The following TBXAS1 variants were observed in gnomAD, a reference collection of about 807,000 sequenced individuals.
The protein encoded by TBXAS1 is thromboxane-A synthase.
Under a neutral mutation model 60.7 loss-of-function variants are expected in TBXAS1, and 48 were observed. The ratio of observed to expected loss-of-function variants is 0.79; its 90% CI spans 0.63 to 1.01. The LOEUF is 1.01. Among genes scored for constraint, TBXAS1 ranks in the 50% least tolerant of loss-of-function variants. The pLI is 0.00. For synonymous variants in TBXAS1, 287 were observed against 269.7 expected (o/e 1.06, Z -0.63); for missense variants, 685 against 686.3 (o/e 1.00, Z 0.02).
At chr7:139,801,576 C>A (rs1242342566) in intron 4 of TBXAS1, among the ~76,000 whole-genome samples, 1 of 151,154 alleles carries the variant, frequency 6.6e-6, no homozygotes, top group African/African-American at 2.4e-5. Flanking sequence ...CTCAAACAAT[C>A]CTTCTACCTC....
intron 9 of TBXAS1, among the ~76,000 whole-genome samples, chr7:139,991,677 G>A (rs556701555): frequency 2.6e-4 from 39 of 152,322 alleles, no homozygotes; most frequent in African/African-American, 6.3e-4. Flanking sequence ...ACAGAGAATC[G>A]TTTTACATGG....
intron 9 of TBXAS1, among the ~76,000 whole-genome samples, chr7:139,985,336 C>A (rs1483149860): frequency 2.0e-5 from 3 of 152,172 alleles, no homozygotes; most frequent in Non-Finnish European, 2.9e-5. Flanking sequence ...TGTCTGTGTC[C>A]CTCTAGAGGG....
chr7:139,833,903 A>G (rs994105383), intron 1 of TBXAS1, among the ~76,000 whole-genome samples: 5 of 152,212 alleles, frequency 3.3e-5, no homozygotes, highest in Non-Finnish European at 7.3e-5. Context: ...ACAGGTTAGC[A>G]AGACAGAAAG....
At chr7:139,857,291 T>A (rs979640522) in intron 1 of TBXAS1, among the ~76,000 whole-genome samples, 1 of 152,134 alleles carries the variant, frequency 6.6e-6, no homozygotes, top group Non-Finnish European at 1.5e-5. Context: ...AAATATATAA[T>A]CATATAATAT....
chr7:140,009,352 C>G (rs1469691983), intron 10 of TBXAS1, among the ~76,000 whole-genome samples: 1 of 152,192 alleles, frequency 6.6e-6, no homozygotes, highest in Non-Finnish European at 1.5e-5. Context: ...CTCCGTGCCT[C>G]TCCTTCCTAC....
At chr7:139,820,597 A>G (rs1462194956) in intron 4 of TBXAS1, among the ~76,000 whole-genome samples, 2 of 152,114 alleles carry the variant, frequency 1.3e-5, no homozygotes, top group African/African-American at 2.4e-5. Context: ...CCTAAATAGC[A>G]TCAAGTCACC....
At chr7:139,819,691 T>G (rs956662354) in intron 4 of TBXAS1, among the ~76,000 whole-genome samples, 1 of 151,918 alleles carries the variant, frequency 6.6e-6, no homozygotes, top group Non-Finnish European at 1.5e-5. Flanking sequence ...TTAGTAGAGA[T>G]GGGTTTTCAC....
chr7:139,862,443 C>T (rs146444692), intron 1 of TBXAS1, among the ~76,000 whole-genome samples: 325 of 152,218 alleles, frequency 2.1e-3, no homozygotes, highest in Non-Finnish European at 4.1e-3. Flanking sequence ...ATGATCTTGA[C>T]AAGGGCAGCC....
intron 4 of TBXAS1, among the ~76,000 whole-genome samples, chr7:139,930,163 T>C (rs1807202741): frequency 6.6e-6 from 1 of 152,188 alleles, no homozygotes; most frequent in South Asian, 2.1e-4. Flanking sequence ...TTCAAGGCTT[T>C]GCACTAATCT....
At chr7:139,914,350 T>G (rs946514570) in intron 4 of TBXAS1, among the ~76,000 whole-genome samples, 3 of 152,072 alleles carry the variant, frequency 2.0e-5, no homozygotes, top group Non-Finnish European at 2.9e-5. Context: ...TTTCTTAACT[T>G]AAAAAAGAGC....
intron 4 of TBXAS1, among the ~76,000 whole-genome samples, chr7:139,819,612 C>T (rs1045630691): frequency 2.0e-5 from 3 of 152,186 alleles, no homozygotes; most frequent in African/African-American, 7.2e-5. Context: ...AAGCGATTCT[C>T]CTGCCTCAGC....
intron 4 of TBXAS1, among the ~76,000 whole-genome samples, chr7:139,921,295 C>A (rs1351163522): frequency 2.0e-5 from 3 of 152,222 alleles, no homozygotes. Context: ...GTATAGATTT[C>A]TCTTTTCCTG....
chr7:139,857,382 T>G (rs1297596753), intron 1 of TBXAS1, among the ~76,000 whole-genome samples: 1 of 152,184 alleles, frequency 6.6e-6, no homozygotes, highest in African/African-American at 2.4e-5. Flanking sequence ...AAAGAGTTTT[T>G]GGGGGAAGGT....
chr7:139,997,478 G>A (rs1228702324), intron 9 of TBXAS1, among the ~76,000 whole-genome samples: 2 of 152,108 alleles, frequency 1.3e-5, no homozygotes, highest in Admixed American at 6.6e-5. Flanking sequence ...GCTTATGAGT[G>A]CTGAGTGCTT....
chr7:139,812,198 T>C (rs796275850), intron 4 of TBXAS1, among the ~76,000 whole-genome samples: 18 of 152,324 alleles, frequency 1.2e-4, no homozygotes, highest in African/African-American at 4.1e-4. Context: ...AGAAACTCTT[T>C]CCAGAGCAAA....
chr7:139,911,229 T>C lies in TBXAS1; in HGVS notation c.241T>C (p.Tyr81His). 6.2e-7 allele frequency: 1 copy of C among 1,614,158 alleles called. No individual in the cohort carries two copies. The highest frequency in any genetic ancestry group is 8.5e-7 in the Non-Finnish European group (1 of 1,179,980). The change falls in exon 4 of 13, where the codon TAT (tyrosine) becomes CAT (histidine). Residue 81 changes from tyrosine (Y) to histidine (H), a missense_variant. Transcript: ENST00000448866. ...TGCATTTTTTATTCCTCCCAGGTAC[T>C]ATCTTGGTCGTCGGATGTTTATTGT... ...RKLYGPLCGY[Y>H]LGRRMFIVIS...
At chr7:139,876,191 T>G (rs1304963317) in intron 3 of TBXAS1, among the ~76,000 whole-genome samples, 1 of 152,238 alleles carries the variant, frequency 6.6e-6, no homozygotes. Context: ...ATCCCGGATA[T>G]GCTGGGGCAT....
rs1399908570 is a variant in TBXAS1, at chr7:140,014,915, A to AAAAAAAAAAG, written c.1227-806_1227-805insAAAAAAAGAA. On this transcript the variant is annotated intron_variant, in intron 10 of 12. Coordinates refer to ENST00000448866, the MANE Select transcript of TBXAS1 (RefSeq NM_001061.7). Reference sequence around the variant, plus strand: ...CAGAGCAAGACCCTGTCTCAAAAAAAAAGAAGAAGAAGAAAGAAGGAGGAG... The same window carrying AAAAAAAAAAG: ...CAGAGCAAGACCCTGTCTCAAAAAAAAAAAAAAAAGAAGAAGAAGAAGAAAGAAGGAGGAG... Among the ~76,000 whole-genome samples, 1,380 of 151,384 alleles carry AAAAAAAAAAG rather than the reference A, an allele frequency of 9.1e-3. 38 individuals carry two copies. The highest frequency in any genetic ancestry group is 0.032 in the African/African-American group (1,326 of 40,854).
chr7:140,015,765 G>A lies in TBXAS1; in HGVS notation c.1269G>A (p.Gln423=), dbSNP rs202122899. The part of the protein sequence containing the change: ...EAAQDCEVLG[Q]RIPAGAVLEM... ...CTCAGGACTGCGAGGTGCTGGGGCA[G>A]CGCATCCCCGCAGGCGCTGTGCTAG... The change falls in exon 11 of 13, where the codon CAG becomes CAA. Residue 423 remains glutamine, a synonymous_variant. Transcript: ENST00000448866. 6.1e-5 allele frequency: 98 copies of A among 1,613,428 alleles called. No homozygotes were observed. Among genetic ancestry groups the A allele is most frequent in the Middle Eastern group, 1.6e-4 (1 of 6,082 alleles).
Sources: allele counts gnomAD v4.1 joint callset (sites outside exome capture counted in the v4.1 genomes callset), GRCh38; gene constraint gnomAD v4.1.1; transcripts MANE v1.5; gene names NCBI Gene and HGNC (gene_info 2026-07-23, HGNC 2026-07-21).